The following SPAG9 variants were observed in gnomAD, a reference collection of about 807,000 sequenced individuals.
SPAG9 encodes the protein C-Jun-amino-terminal kinase-interacting protein 4.
SPAG9 carries 35 observed loss-of-function variants against 166.5 expected under a neutral mutation model. The observed-to-expected ratio is 0.21, with a 90% CI of 0.16 to 0.28. SPAG9 has a LOEUF of 0.28. SPAG9 is among the 10% of genes least tolerant of loss of function. The probability of loss-of-function intolerance (pLI) is 1.00; values close to 1 mark genes in which losing one functional copy is unlikely to be tolerated. For synonymous variants in SPAG9, 534 were observed against 565.5 expected, an observed-to-expected ratio of 0.94 and a Z score of 0.79; for missense variants, 1,235 against 1,603.3, an observed-to-expected ratio of 0.77 and a Z score of 3.92.
intron 9 of SPAG9, among the ~76,000 whole-genome samples, chr17:51,012,395 C>A (rs1392678204): frequency 1.3e-5 from 2 of 151,956 alleles, no homozygotes; most frequent in Non-Finnish European, 2.9e-5. Flanking sequence ...TATAGTAAAA[C>A]CCCATCTCTA....
At chr17:51,089,617 AT>A (rs1304479721) in intron 1 of SPAG9, among the ~76,000 whole-genome samples, 33 of 68,634 alleles carry the variant, frequency 4.8e-4, no homozygotes, top group Admixed American at 7.1e-4. Context: ...TATACACTTT[AT>A]TTTATATATA....
chr17:51,098,778 C>G (rs924897050), intron 1 of SPAG9, among the ~76,000 whole-genome samples: 1 of 151,760 alleles, frequency 6.6e-6, no homozygotes, highest in Admixed American at 6.6e-5. Context: ...AGGCATGAGC[C>G]ACTGTGCCCA....
At chr17:50,988,927 G>A (rs1327502441) in intron 21 of SPAG9, among the ~76,000 whole-genome samples, 1 of 152,116 alleles carries the variant, frequency 6.6e-6, no homozygotes, top group Non-Finnish European at 1.5e-5. Context: ...TGGGAAACTT[G>A]TACAATGGCA....
In SPAG9 at chr17:50,977,203, A is replaced by T; in HGVS notation, c.3428T>A (p.Phe1143Tyr). 6.2e-7 allele frequency: 1 copy of T among 1,613,038 alleles called. No individual in the cohort carries two copies. The highest frequency in any genetic ancestry group is 8.5e-7 in the Non-Finnish European group (1 of 1,179,172). The change falls in exon 27 of 30, where the codon TTC (phenylalanine) becomes TAC (tyrosine). Residue 1143 changes from phenylalanine (F) to tyrosine (Y), a missense_variant. Around this residue, in one of 6 missense-constraint regions of SPAG9, gnomAD observed 243 missense variants for 358.6 expected, o/e 0.68. Coordinates refer to ENST00000262013, the MANE Select transcript of SPAG9 (RefSeq NM_001130528.3). ...AAGAGCTGTAATTCTCACAAAAGAG[A>T]AGCCCAGTTTTCCAGTACCTGTAAA... ...SKMLGTGKLG[F>Y]SFVRITALMV...
At chr17:50,988,868 T>C (rs1430762047) in intron 21 of SPAG9, among the ~76,000 whole-genome samples, 1 of 152,180 alleles carries the variant, frequency 6.6e-6, no homozygotes, top group Admixed American at 6.5e-5. Flanking sequence ...TGTTTTTTAA[T>C]AAAATATTTG....
intron 4 of SPAG9, 124 bp downstream of exon 4, chr17:51,047,251 C>G: frequency 1.6e-6 from 1 of 607,128 alleles, no homozygotes; most frequent in Non-Finnish European, 2.8e-6. Flanking sequence ...AGCATTCCAA[C>G]CACAGTGGAG....
At chr17:51,077,033 T>TAGCTATCTAGCTAGCTATCTAG (rs1568065402) in intron 2 of SPAG9, among the ~76,000 whole-genome samples, 8 of 94,540 alleles carry the variant, frequency 8.5e-5, no homozygotes, top group East Asian at 2.8e-4. Flanking sequence ...TAGCTATCTA[T>TAGCTATCTAGCTAGCTATCTAG]CTAGCTATCT....
chr17:51,068,613 C>T (rs1368854104), intron 2 of SPAG9, among the ~76,000 whole-genome samples: 1 of 152,152 alleles, frequency 6.6e-6, no homozygotes. Flanking sequence ...TTCCTCATGA[C>T]CAACCAAAGC....
intron 4 of SPAG9, among the ~76,000 whole-genome samples, chr17:51,045,073 CG>C (rs2046971991): frequency 6.6e-6 from 1 of 152,152 alleles, no homozygotes; most frequent in Admixed American, 6.5e-5. Flanking sequence ...AACCACCCAA[CG>C]GGGTAAGTCC....
intron 1 of SPAG9, among the ~76,000 whole-genome samples, chr17:51,087,407 A>T (rs2048333054): frequency 6.6e-6 from 1 of 152,206 alleles, no homozygotes. Context: ...GCCAAAATAC[A>T]GCTCTTGGCA....
chr17:50,993,685 G>T, intron 19 of SPAG9, 79 bp downstream of exon 19: 1 of 1,407,732 alleles, frequency 7.1e-7, no homozygotes, highest in African/African-American at 1.4e-5. Context: ...GTGCAGAACT[G>T]CATCTTCAGC....
chr17:51,033,040 A>T (rs2046445090), intron 5 of SPAG9, among the ~76,000 whole-genome samples: 1 of 151,394 alleles, frequency 6.6e-6, no homozygotes, highest in Non-Finnish European at 1.5e-5. Context: ...TTTTTCCCCT[A>T]GCTTTATTGA....
chr17:51,005,702 T>C (rs367650949), intron 11 of SPAG9, among the ~76,000 whole-genome samples: 4 of 152,148 alleles, frequency 2.6e-5, no homozygotes, highest in African/African-American at 9.7e-5. Context: ...AGTACAAAAA[T>C]TAGCTGTGTG....
In SPAG9 at chr17:51,021,228, C is replaced by T. The variant is rs573153615; in HGVS notation, c.921G>A (p.Ala307=). Residue 307 remains alanine, a synonymous_variant, in exon 7 of 30, where the codon GCG becomes GCA. Coordinates refer to ENST00000262013, the MANE Select transcript of SPAG9 (RefSeq NM_001130528.3). ...ENEGFVKVTD[A]PNKSEISKHI... The stretch of plus-strand genomic sequence containing the variant: ...GTTTGCTTATCTCTGATTTATTTGG[C>T]GCATCTGTAACCTTCACAAATCCTT... 21 of 1,614,030 alleles carry T rather than the reference C, an allele frequency of 1.3e-5. No homozygotes were observed. Among genetic ancestry groups the T allele is most frequent in the Middle Eastern group, 1.7e-4 (1 of 6,060 alleles).
chr17:51,111,461 T>C (rs1393092340), intron 1 of SPAG9, among the ~76,000 whole-genome samples: 3 of 152,226 alleles, frequency 2.0e-5, no homozygotes, highest in South Asian at 2.1e-4. Context: ...GCAGGAATCC[T>C]GTACTCTCTC....
At chr17:51,048,636 C>CG (rs1452972039) in intron 3 of SPAG9, among the ~76,000 whole-genome samples, 1 of 151,980 alleles carries the variant, frequency 6.6e-6, no homozygotes, top group Non-Finnish European at 1.5e-5. Context: ...AGTTTAAATT[C>CG]ACTTTACAAA....
At chr17:51,061,430 T>C (rs747814249) in intron 2 of SPAG9, among the ~76,000 whole-genome samples, 14 of 151,798 alleles carry the variant, frequency 9.2e-5, no homozygotes, top group Non-Finnish European at 2.1e-4. Context: ...CTGGCCAACA[T>C]GGTGAAACCC....
chr17:51,086,694 A>G (rs1279029157), intron 1 of SPAG9, among the ~76,000 whole-genome samples: 1 of 152,014 alleles, frequency 6.6e-6, no homozygotes, highest in East Asian at 1.9e-4. Flanking sequence ...GCACTTTGGG[A>G]GGCCAAGGTG....
intron 23 of SPAG9, 43 bp downstream of exon 23, chr17:50,985,655 A>C: frequency 8.9e-7 from 1 of 1,128,858 alleles, no homozygotes; most frequent in Non-Finnish European, 1.3e-6. Context: ...TTTATACCAA[A>C]ATGCATAGTT....
Sources: gnomAD v4.1 joint callset for allele counts (sites outside exome capture counted in the v4.1 genomes callset) on GRCh38, gnomAD v4.1.1 for gene constraint, gnomAD v4.1.1 regional missense constraint, MANE v1.5 for transcripts, NCBI Gene and HGNC (gene_info 2026-07-23, HGNC 2026-07-21) for gene names.